WSCD2: variants seen among roughly 807,000 people sequenced by gnomAD.
WSCD2 encodes the protein sialate:O-sulfotransferase 2.
WSCD2 carries 28 observed loss-of-function variants against 55.7 expected under a neutral mutation model. That is an observed-to-expected ratio of 0.50 (90% CI 0.37 to 0.69). WSCD2 has a LOEUF of 0.69. Among genes scored for constraint, WSCD2 ranks in the 30% least tolerant of loss-of-function variants. WSCD2 has a pLI of 0.00. For missense variants in WSCD2, 616 were observed against 762.1 expected (o/e 0.81, Z 2.26); for synonymous variants, 301 against 301.9 (o/e 1.00, Z 0.03).
chr12:108,158,625 A>G (rs1231238055), intron 1 of WSCD2, among the ~76,000 whole-genome samples: 24 of 152,066 alleles, frequency 1.6e-4, no homozygotes, highest in Admixed American at 1.6e-3. Context: ...TGGAAGATAG[A>G]GGTGGCAATG....
In WSCD2 at chr12:108,224,454, A is replaced by G. The variant is rs79859399; in HGVS notation, c.683-285A>G. Among the ~76,000 whole-genome samples the G allele has an allele frequency of 7.7e-3, 1,170 of 152,312 alleles. 12 individuals are homozygous for G. Among genetic ancestry groups the G allele is most frequent in the Middle Eastern group, 0.02 (6 of 294 alleles). On this transcript the variant is annotated intron_variant, in intron 4 of 8. Coordinates refer to ENST00000547525, the MANE Select transcript of WSCD2 (RefSeq NM_014653.4). ...AGTGAGGCATGGGAATCTGACAAAG[A>G]AAGGGGGATAGCATGGCCCAGAAAG...
intron 2 of WSCD2, among the ~76,000 whole-genome samples, chr12:108,196,744 C>T (rs1883976177): frequency 6.6e-6 from 1 of 152,188 alleles, no homozygotes; most frequent in Non-Finnish European, 1.5e-5. Context: ...TTGCTGGGTC[C>T]CTTGGTGATG....
chr12:108,192,529 T>A (rs17254128), intron 1 of WSCD2, among the ~76,000 whole-genome samples: 14,734 of 152,238 alleles, frequency 0.097, 959 homozygotes, highest in Non-Finnish European at 0.15. Context: ...GGCACGACCA[T>A]GAAACCTCAG....
chr12:108,130,478 GTGTGTGTGTGTGTGTGTGTGT>G lies in WSCD2; in HGVS notation c.-552+553_-552+573del, dbSNP rs1565905449. Reference sequence around the variant, plus strand: ...GATTTGCTTATGTCCATTCTGGGGTGTGTGTGTGTGTGTGTGTGTGTGTGTGTGTGTGTGTGTGTGTGTAAA... The same window carrying G: ...GATTTGCTTATGTCCATTCTGGGGTGGTGTGTGTGTGTGTGTGTGTGTAAA... On this transcript the variant is annotated intron_variant, in intron 1 of 8. Coordinates refer to ENST00000547525, the MANE Select transcript of WSCD2 (RefSeq NM_014653.4). Among the ~76,000 whole-genome samples the G allele has an allele frequency of 4.7e-3, 219 of 46,598 alleles. 1 individual carries two copies. The highest frequency in any genetic ancestry group is 0.044 in the East Asian group (119 of 2,714). The allele number at this position is 46,598 out of a possible 152,430, so 30.6% of individuals were successfully genotyped here.
chr12:108,190,514 T>A (rs537076743), intron 1 of WSCD2, among the ~76,000 whole-genome samples: 4 of 152,106 alleles, frequency 2.6e-5, no homozygotes, highest in Non-Finnish European at 4.4e-5. Context: ...CCCTAGCCAA[T>A]AGAACCTGGA....
intron 4 of WSCD2, among the ~76,000 whole-genome samples, chr12:108,216,606 C>T (rs1375194836): frequency 6.6e-6 from 1 of 152,184 alleles, no homozygotes; most frequent in Non-Finnish European, 1.5e-5. Context: ...AAGGTGTTGC[C>T]AAGATGCACC....
At chr12:108,166,761 T>TTTCCTTC (rs10680980) in intron 1 of WSCD2, among the ~76,000 whole-genome samples, 2 of 124,820 alleles carry the variant, frequency 1.6e-5, no homozygotes, top group Admixed American at 1.8e-4. Flanking sequence ...TCTTTCTTTC[T>TTTCCTTC]TTTCTTTCTT....
intron 4 of WSCD2, among the ~76,000 whole-genome samples, chr12:108,222,216 C>A (rs1352725826): frequency 6.6e-6 from 1 of 152,176 alleles, no homozygotes; most frequent in Non-Finnish European, 1.5e-5. Context: ...TCTAGATAGA[C>A]CCAGACACCG....
Position 108,210,128 on chromosome 12 carries a change from C to T in WSCD2, c.505C>T (p.Leu169=), listed in dbSNP as rs1245915148. The part of the protein sequence containing the change: ...CQDNCAERGY[L]YGGLEFGAEC... ...GACAGCAGCCTCCCCCAGGGGTTAC[C>T]TGTATGGCGGGCTGGAGTTCGGCGC... Residue 169 remains leucine, a synonymous_variant, in exon 4 of 9, where the codon CTG becomes TTG. Coordinates refer to ENST00000547525, the MANE Select transcript of WSCD2 (RefSeq NM_014653.4). This position sits in a 1 kb window ranked among gnomAD's most constrained non-coding sequence, Gnocchi z 4.3. 4 of 1,614,038 alleles carry T rather than the reference C, an allele frequency of 2.5e-6. No homozygotes were observed. In the South Asian group the frequency reaches 3.3e-5, roughly 13 times the overall value.
chr12:108,165,124 A>G (rs1156894406), intron 1 of WSCD2, among the ~76,000 whole-genome samples: 1 of 152,150 alleles, frequency 6.6e-6, no homozygotes, highest in African/African-American at 2.4e-5. Flanking sequence ...AAGGGAAAAG[A>G]TTTAGGAGTG....
intron 6 of WSCD2, among the ~76,000 whole-genome samples, chr12:108,228,643 G>A: frequency 6.6e-6 from 1 of 152,258 alleles, no homozygotes; most frequent in Admixed American, 6.5e-5. Flanking sequence ...CCAGCCACAT[G>A]TTGTGTGCCC....
intron 1 of WSCD2, among the ~76,000 whole-genome samples, chr12:108,130,421 C>T (rs965202760): frequency 6.6e-6 from 1 of 151,974 alleles, no homozygotes; most frequent in Non-Finnish European, 1.5e-5. Flanking sequence ...CAGAGCTGCC[C>T]AGGCAATGGG....
In WSCD2 at chr12:108,207,533, C is replaced by CTTTTT. The variant is rs35090663; in HGVS notation, c.497+1152_497+1156dup. Among the ~76,000 whole-genome samples, 44 of 53,620 alleles carry CTTTTT rather than the reference C, an allele frequency of 8.2e-4. 1 individual carries two copies. The highest frequency in any genetic ancestry group is 3.8e-3 in the African/African-American group (44 of 11,624). 35.2% of individuals were successfully genotyped at this position (53,620 alleles called of 152,430 possible). On this transcript the variant is annotated intron_variant, in intron 3 of 8. Coordinates refer to ENST00000547525, the MANE Select transcript of WSCD2 (RefSeq NM_014653.4). ...TACAGGCGCATGCCACCATGCCTGG[C>CTTTTT]TTTTTTTTTTTTTTTTTTTTTTTTT...
chr12:108,230,409 C>T (rs1437035062), intron 6 of WSCD2, among the ~76,000 whole-genome samples: 1 of 152,156 alleles, frequency 6.6e-6, no homozygotes, highest in Non-Finnish European at 1.5e-5. Flanking sequence ...GAACCACAAT[C>T]GATTCTGTGG....
intron 4 of WSCD2, among the ~76,000 whole-genome samples, chr12:108,220,095 GAGAC>G (rs2137142245): frequency 6.6e-6 from 1 of 152,270 alleles, no homozygotes; most frequent in East Asian, 1.9e-4. Flanking sequence ...TTTTTAAAAA[GAGAC>G]AGCCCAGGAC....
chr12:108,237,395 T>C (rs1339283846), intron 7 of WSCD2, among the ~76,000 whole-genome samples: 1 of 152,180 alleles, frequency 6.6e-6, no homozygotes, highest in Non-Finnish European at 1.5e-5. Flanking sequence ...AAGCTGATAT[T>C]TTGGTGACTC....
At chr12:108,231,487 C>G (rs1888751224) in intron 6 of WSCD2, among the ~76,000 whole-genome samples, 1 of 152,166 alleles carries the variant, frequency 6.6e-6, no homozygotes, top group Admixed American at 6.5e-5. Context: ...TCAAAAATAT[C>G]CAAATGGTAC....
intron 2 of WSCD2, chr12:108,197,018 T>C (rs561786972): frequency 6.6e-6 from 1 of 152,152 alleles, no homozygotes; most frequent in Non-Finnish European, 1.5e-5. Context: ...GCCTGAATGC[T>C]CAGTTCTCTA....
At chr12:108,142,871 T>C (rs1193012492) in intron 1 of WSCD2, among the ~76,000 whole-genome samples, 1 of 152,030 alleles carries the variant, frequency 6.6e-6, no homozygotes, top group Non-Finnish European at 1.5e-5. Flanking sequence ...TGGAGTGCAG[T>C]GGTGCTGTCA....
Sources: gnomAD v4.1 joint callset for allele counts (sites outside exome capture counted in the v4.1 genomes callset) on GRCh38, gnomAD v4.1.1 for gene constraint, Gnocchi (gnomAD v3.1) non-coding constraint, MANE v1.5 for transcripts, NCBI Gene and HGNC (gene_info 2026-07-23, HGNC 2026-07-21) for gene names.